The following DNAH3 variants were observed in gnomAD, a reference collection of about 807,000 sequenced individuals.
DNAH3 encodes the protein dynein axonemal heavy chain 3.
Under a neutral mutation model 432.5 loss-of-function variants are expected in DNAH3, and 332 were observed. That is an observed-to-expected ratio of 0.77 (90% CI 0.70 to 0.84). DNAH3 has a LOEUF of 0.84. Among genes scored for constraint, DNAH3 ranks in the 40% least tolerant of loss-of-function variants. The pLI is 0.00. For synonymous variants in DNAH3, 1,956 were observed against 1,900.2 expected, an observed-to-expected ratio of 1.03 and a Z score of -0.76; for missense variants, 4,861 against 5,114.0, an observed-to-expected ratio of 0.95 and a Z score of 1.51.
intron 32 of DNAH3, among the ~76,000 whole-genome samples, chr16:21,040,760 C>T (rs138251996): frequency 7.9e-4 from 120 of 151,114 alleles, no homozygotes; most frequent in Non-Finnish European, 1.5e-3. Flanking sequence ...TCAAAACAGA[C>T]TAACTTTACC....
At chr16:20,988,110 T>C in intron 44 of DNAH3, 45 bp from the exon 45 acceptor site, 1 of 1,609,454 alleles carries the variant, frequency 6.2e-7, no homozygotes, top group Non-Finnish European at 8.5e-7. Flanking sequence ...AAAACACATA[T>C]TCTCACACTG....
chr16:20,941,883 C>A (rs2083826048), intron 58 of DNAH3, among the ~76,000 whole-genome samples: 1 of 152,028 alleles, frequency 6.6e-6, no homozygotes, highest in Non-Finnish European at 1.5e-5. Context: ...CATAGCGAAA[C>A]CCAGTTTCTA....
chr16:21,111,969 A>C, intron 13 of DNAH3, 24 bp downstream of exon 13: 1 of 1,594,682 alleles, frequency 6.3e-7, no homozygotes, highest in Non-Finnish European at 8.6e-7. Context: ...ACCAAGGTAT[A>C]AAATCTCAAG....
At chr16:20,987,828 T>C (rs752242881) in exon 46 of DNAH3, 3 of 1,614,144 alleles carry the variant, frequency 1.9e-6, no homozygotes, top group Admixed American at 1.7e-5. Flanking sequence ...TCTTAGTAGC[T>C]TGGACCAGCA....
chr16:21,023,391 G>C (rs1481130641), intron 39 of DNAH3, among the ~76,000 whole-genome samples: 1 of 152,148 alleles, frequency 6.6e-6, no homozygotes, highest in Admixed American at 6.6e-5. Flanking sequence ...ATCATGCAAA[G>C]TTCTAGCAGG....
exon 53 of DNAH3, chr16:20,965,014 A>G (rs772781805): frequency 1.2e-6 from 2 of 1,614,042 alleles, no homozygotes; most frequent in Admixed American, 1.7e-5. Context: ...GCAGATTTCA[A>G]TGTTTTCCTC....
exon 9 of DNAH3, chr16:21,125,328 C>T (rs200561107): frequency 4.8e-5 from 78 of 1,612,424 alleles, no homozygotes; most frequent in Admixed American, 1.7e-5. Context: ...GAATCCAGTG[C>T]TCCTTCCGTG....
At chr16:21,069,486 C>T in exon 23 of DNAH3, 1 of 1,614,106 alleles carries the variant, frequency 6.2e-7, no homozygotes, top group South Asian at 1.1e-5. Flanking sequence ...GGCATCTGGG[C>T]TATGATGTCC....
chr16:21,153,012 C>T (rs2092872571), intron 1 of DNAH3, among the ~76,000 whole-genome samples: 2 of 152,198 alleles, frequency 1.3e-5, no homozygotes, highest in South Asian at 2.1e-4. Context: ...CAGGCAGCTC[C>T]ACCTGCAGCC....
intron 59 of DNAH3, among the ~76,000 whole-genome samples, chr16:20,939,596 GAGTGAGACTCTGTCTCAA>G (rs1473677820): frequency 6.9e-6 from 1 of 145,470 alleles, no homozygotes; most frequent in Non-Finnish European, 1.5e-5. Flanking sequence ...TGGGTGACAA[GAGTGAGACTCTGTCTCAA>G]AAAAAAAAAA....
chr16:21,134,759 C>T (rs2092619632), intron 6 of DNAH3, among the ~76,000 whole-genome samples: 1 of 152,036 alleles, frequency 6.6e-6, no homozygotes, highest in African/African-American at 2.4e-5. Context: ...CAGCTCACTG[C>T]AACCTCCACC....
intron 53 of DNAH3, among the ~76,000 whole-genome samples, chr16:20,962,664 TTC>T (rs2084879206): frequency 6.6e-6 from 1 of 152,086 alleles, no homozygotes; most frequent in Admixed American, 6.6e-5. Flanking sequence ...TTCTATTTTG[TTC>T]TTTTTTGGGG....
At chr16:21,010,372 G>A (rs1456671693) in intron 41 of DNAH3, among the ~76,000 whole-genome samples, 4 of 152,076 alleles carry the variant, frequency 2.6e-5, no homozygotes, top group African/African-American at 9.7e-5. Context: ...CCTGCACTTG[G>A]GAAAATGAGG....
chr16:21,033,966 A>T lies in DNAH3; in HGVS notation c.5197+8T>A, dbSNP rs1414721729. 3 of 1,609,230 alleles carry T rather than the reference A, an allele frequency of 1.9e-6. No homozygotes were observed. The East Asian group carries it at 6.7e-5, about 36-fold the overall frequency. ...GTCCTCCCTGGAAGCCAGGGATGTG[A>T]GCTTTACCTGCGTGTAAATCGCCGA... On this transcript the variant is annotated splice_region_variant and intron_variant, in intron 36 of 61. Transcript: ENST00000261383.
At chr16:21,010,095 A>T (rs2087520369) in intron 41 of DNAH3, among the ~76,000 whole-genome samples, 1 of 152,198 alleles carries the variant, frequency 6.6e-6, no homozygotes, top group Non-Finnish European at 1.5e-5. Flanking sequence ...GAAAATCACT[A>T]CGGAGAGTGA....
intron 53 of DNAH3, among the ~76,000 whole-genome samples, chr16:20,960,137 C>A (rs2084752014): frequency 6.6e-6 from 1 of 151,976 alleles, no homozygotes; most frequent in African/African-American, 2.4e-5. Flanking sequence ...TAGAATACTG[C>A]ATTTTTTTCC....
At position 21,155,680 on chromosome 16, in the gene DNAH3, CTGTACT is replaced by C. The variant is rs375997444; in HGVS notation, c.117+3639_117+3644del. Among the ~76,000 whole-genome samples the C allele has an allele frequency of 5.1e-4, 76 of 149,542 alleles. 1 individual carries two copies. The East Asian group carries it at 6.4e-3, about 13-fold the overall frequency. ...AAGCATGTCCCATTCAATACATGGG[CTGTACT>C]TGTACTTGTACTAAAAAGTTACCCA... On this transcript the variant is annotated intron_variant, in intron 1 of 61. Coordinates refer to ENST00000261383, the Ensembl canonical transcript of DNAH3.
At chr16:21,100,875 C>T (rs2091820333) in intron 16 of DNAH3, among the ~76,000 whole-genome samples, 1 of 152,144 alleles carries the variant, frequency 6.6e-6, no homozygotes, top group African/African-American at 2.4e-5. Flanking sequence ...GTTTTGAATT[C>T]CTCCCAGAGG....
At chr16:21,060,160 T>C in intron 26 of DNAH3, 104 bp downstream of exon 26, 1 of 885,602 alleles carries the variant, frequency 1.1e-6, no homozygotes, top group Non-Finnish European at 1.9e-6. Context: ...CAGGTTTTGG[T>C]AGAAAGCAGA....
Sources: gnomAD v4.1 joint callset for allele counts (sites outside exome capture counted in the v4.1 genomes callset) on GRCh38, gnomAD v4.1.1 for gene constraint, MANE v1.5 for transcripts, NCBI Gene and HGNC (gene_info 2026-07-23, HGNC 2026-07-21) for gene names.